Variants in PHF12 observed in about 807,000 individuals in gnomAD.
The protein encoded by PHF12 is PHD finger protein 12, also known as PHD factor 1.
Under a neutral mutation model 99.8 loss-of-function variants are expected in PHF12, and 6 were observed. That is an observed-to-expected ratio of 0.06 (90% CI 0.03 to 0.12). PHF12 has a LOEUF of 0.12. PHF12 is among the 10% of genes least tolerant of loss of function. The pLI is 1.00. For missense variants in PHF12, 954 were observed against 1,300.1 expected, an observed-to-expected ratio of 0.73 and a Z score of 4.09; for synonymous variants, 480 against 514.9, an observed-to-expected ratio of 0.93 and a Z score of 0.92.
chr17:28,909,909 A>G, intron 11 of PHF12: 1 of 605,068 alleles, frequency 1.7e-6, no homozygotes, highest in Non-Finnish European at 2.9e-6. Context: ...CTTCTAATTC[A>G]AATATTTGAA....
At chr17:28,917,974 A>G (rs1473989966) in intron 6 of PHF12, among the ~76,000 whole-genome samples, 2 of 152,238 alleles carry the variant, frequency 1.3e-5, no homozygotes, top group African/African-American at 2.4e-5. Flanking sequence ...ACCAAGGAGC[A>G]TAAGTTAACC....
chr17:28,919,304 G>T, intron 5 of PHF12, 29 bp from the exon 6 acceptor site: 1 of 1,606,670 alleles, frequency 6.2e-7, no homozygotes, highest in Non-Finnish European at 8.5e-7. Context: ...GGCCATTTCT[G>T]TGGCAAGAAA....
At chr17:28,931,326 G>C (rs2040399590) in intron 2 of PHF12, among the ~76,000 whole-genome samples, 1 of 150,908 alleles carries the variant, frequency 6.6e-6, no homozygotes, top group African/African-American at 2.4e-5. Context: ...CGCGATCTTG[G>C]CTCACTGCAA....
chr17:28,919,498 C>T (rs1046114134), intron 5 of PHF12, among the ~76,000 whole-genome samples: 10 of 152,116 alleles, frequency 6.6e-5, no homozygotes, highest in African/African-American at 1.7e-4. Flanking sequence ...TTTGGGAGGC[C>T]GAGGTGGGCG....
At chr17:28,909,145 G>A in intron 11 of PHF12, 1 of 422,042 alleles carries the variant, frequency 2.4e-6, no homozygotes, top group Non-Finnish European at 4.4e-6. Flanking sequence ...TAAGTTCCTG[G>A]GCTCCTGGCT....
chr17:28,948,946 G>A (rs1010553349), intron 2 of PHF12, among the ~76,000 whole-genome samples: 4 of 152,134 alleles, frequency 2.6e-5, no homozygotes, highest in Admixed American at 2.0e-4. Context: ...GATTTTTGTG[G>A]AGGGCAGAGG....
At chr17:28,944,816 G>C (rs760805912) in intron 2 of PHF12, 2 of 152,222 alleles carry the variant, frequency 1.3e-5, no homozygotes, top group Admixed American at 1.3e-4. Context: ...GAATCTAGAC[G>C]TTGTCACCTC....
intron 9 of PHF12, among the ~76,000 whole-genome samples, chr17:28,911,676 A>G (rs1185788876): frequency 1.3e-5 from 2 of 152,310 alleles, no homozygotes; most frequent in East Asian, 3.9e-4. Flanking sequence ...CCATCCTGGG[A>G]CCAGGGGCTC....
At chr17:28,926,549 G>A (rs923525535) in intron 3 of PHF12, 8 of 333,668 alleles carry the variant, frequency 2.4e-5, no homozygotes, top group Admixed American at 8.8e-5. Flanking sequence ...GCTAAAGAAA[G>A]ATTAGGCAAC....
rs573548794 is a variant in PHF12 at position 28,947,052 on chromosome 17, C to T, written c.248+3013G>A. 1.7e-4 allele frequency among the ~76,000 whole-genome samples: 26 copies of T among 151,360 alleles called. No individual in the cohort carries two copies. In the East Asian group the frequency reaches 3.7e-3, roughly 22 times the overall value. ...AGGCTGGGGTGCAGTAGTGTGATCT[C>T]GGCTCACTACAACCTCTGCTGCCTG... is the stretch of plus-strand genomic sequence containing the variant. On this transcript the variant is annotated intron_variant, in intron 2 of 14. Transcript: ENST00000332830.
chr17:28,906,650 G>C lies in PHF12; in HGVS notation c.2681-133C>G. 1.6e-6 allele frequency: 2 copies of C among 1,253,490 alleles called. No homozygotes were observed. The highest frequency in any genetic ancestry group is 2.2e-6 in the Non-Finnish European group (2 of 913,626). The allele number at this position is 1,253,490 out of a possible 1,614,324, so 77.6% of individuals were successfully genotyped here. ...ACTAGGGAGGAAGGATGCTCAGAAA[G>C]GGTTGGTGGAGTCTGAAGTCCCCAC... On this transcript the variant is annotated intron_variant, in intron 14 of 14. Transcript: ENST00000332830. The surrounding 1 kb of genome is among the most constrained non-coding windows in gnomAD (Gnocchi z 4.2).
chr17:28,912,226 G>A (rs2039972675), intron 9 of PHF12: 1 of 1,300,182 alleles, frequency 7.7e-7, no homozygotes, highest in Non-Finnish European at 9.7e-7. Flanking sequence ...CCTGGGCTGT[G>A]GTTCCAATCC....
At chr17:28,911,870 A>C (rs1004451808) in intron 9 of PHF12, among the ~76,000 whole-genome samples, 3 of 152,254 alleles carry the variant, frequency 2.0e-5, no homozygotes, top group African/African-American at 7.2e-5. Context: ...GCAGGTCCAC[A>C]GTAGGCCAAG....
intron 10 of PHF12, chr17:28,910,660 CTGTGGGGGAGGGCCTGGA>C (rs147695525): frequency 0.012 from 5,756 of 478,096 alleles, 295 homozygotes; most frequent in African/African-American, 0.1. Context: ...ACTTGCCTGT[CTGTGGGGGAGGGCCTGGA>C]TGTCTGATAT....
chr17:28,947,140 C>CA, intron 2 of PHF12, among the ~76,000 whole-genome samples: 1 of 151,938 alleles, frequency 6.6e-6, no homozygotes, highest in Non-Finnish European at 1.5e-5. Flanking sequence ...CGTGCCACCA[C>CA]ACCCGGCTAA....
intron 11 of PHF12, chr17:28,909,385 G>A (rs1211759316): frequency 1.3e-5 from 2 of 155,518 alleles, no homozygotes; most frequent in African/African-American, 2.4e-5. Flanking sequence ...TTTCTAACAA[G>A]CTCTCAGGGG....
Position 28,950,663 on chromosome 17 carries a change from G to A in PHF12, c.66+232C>T. The A allele has an allele frequency of 1.7e-6, 1 of 597,960 alleles. No homozygotes were observed. Among genetic ancestry groups the A allele is most frequent in the Non-Finnish European group, 2.8e-6 (1 of 361,014 alleles). The allele number at this position is 597,960 out of a possible 1,614,324, so 37.0% of individuals were successfully genotyped here. On this transcript the variant is annotated intron_variant, in intron 1 of 14. Transcript: ENST00000332830. The surrounding 1 kb of genome is among the most constrained non-coding windows in gnomAD (Gnocchi z 5.7). ...CCGGTGCAACGAGATGGAGTGGGCT[G>A]GCGCCTCGGGAGAGCGAATCGAGGG...
At position 28,921,679 on chromosome 17, in the gene PHF12, A is replaced by G; in HGVS notation, c.836+9T>C. The G allele has an allele frequency of 6.2e-7, 1 of 1,613,672 alleles. No individual in the cohort carries two copies. The highest frequency in any genetic ancestry group is 1.1e-5 in the South Asian group (1 of 90,978). On this transcript the variant is annotated intron_variant, in intron 5 of 14. Coordinates refer to ENST00000332830, the MANE Select transcript of PHF12 (RefSeq NM_001033561.2). The stretch of plus-strand genomic sequence containing the variant: ...ATGAGAAAGAGCCCCTTAGTATGAA[A>G]GAAAATACCTGTTACACGTGAAGCA...
At chr17:28,909,043 G>A in intron 11 of PHF12, 162 bp from the exon 12 acceptor site, 1 of 653,478 alleles carries the variant, frequency 1.5e-6, no homozygotes, top group Non-Finnish European at 2.7e-6. Flanking sequence ...GGCAGGGTAA[G>A]GCTTTCTCTC....
Sources: allele counts gnomAD v4.1 joint callset (sites outside exome capture counted in the v4.1 genomes callset), GRCh38; gene constraint gnomAD v4.1.1; non-coding constraint Gnocchi (gnomAD v3.1); transcripts MANE v1.5; gene names NCBI Gene and HGNC (gene_info 2026-07-23, HGNC 2026-07-21).